Variants in SH2B2 observed in about 807,000 individuals in gnomAD.
SH2B2 encodes SH2B adaptor protein 2.
A neutral mutation model predicts 35.7 loss-of-function variants in SH2B2; 37 were observed. The observed-to-expected ratio is 1.04, with a 90% CI of 0.80 to 1.36. The LOEUF is 1.36. Among genes scored for constraint, SH2B2 ranks in the 40% most tolerant of loss-of-function variants. The pLI is 0.00. For missense variants in SH2B2, 852 were observed against 817.7 expected, an observed-to-expected ratio of 1.04 and a Z score of -0.51; for synonymous variants, 383 against 376.4, an observed-to-expected ratio of 1.02 and a Z score of -0.20.
rs1794091027 is a variant in SH2B2 at position 102,321,607 on chromosome 7, G to A, written c.1876G>A (p.Glu626Lys). The A allele has an allele frequency of 1.7e-6, 2 of 1,161,428 alleles. No individual in the cohort carries two copies. Among genetic ancestry groups the A allele is most frequent in the African/African-American group, 3.3e-5 (2 of 61,532 alleles). 71.9% of individuals were successfully genotyped at this position (1,161,428 alleles called of 1,614,324 possible). A position where few individuals can be genotyped will look rare whatever the true frequency, so the allele number is the denominator to read the frequency against. ...EAAPGRARAV[E>K]NQYSFY ...CGCGCCCGGCCGCGCGCGCGCCGTG[G>A]AGAACCAGTACTCCTTCTACTAGCC... The change falls in exon 9 of 9, where the codon GAG (glutamate) becomes AAG (lysine). Residue 626 changes from glutamate to lysine, a missense_variant. Glu to Lys is a moderately conservative substitution (Grantham distance 56). This residue lies in a region of SH2B2 where 556 missense variants were observed against 514.5 expected (regional missense o/e 1.08). Transcript: ENST00000444095.
At chr7:102,307,753 A>G (rs1793458798) in intron 3 of SH2B2, among the ~76,000 whole-genome samples, 1 of 149,666 alleles carries the variant, frequency 6.7e-6, no homozygotes, top group South Asian at 2.1e-4. Context: ...GGAGCCCAAC[A>G]ACTACATTTT....
intron 2 of SH2B2, among the ~76,000 whole-genome samples, chr7:102,305,652 T>C (rs1356973426): frequency 6.6e-6 from 1 of 152,188 alleles, no homozygotes; most frequent in Non-Finnish European, 1.5e-5. Flanking sequence ...TCTGGTGAGA[T>C]GTTTGTTTCA....
chr7:102,303,733 C>T (rs957276756), intron 2 of SH2B2, among the ~76,000 whole-genome samples: 6 of 152,222 alleles, frequency 3.9e-5, no homozygotes, highest in African/African-American at 1.4e-4. Context: ...GGGGCTTACC[C>T]GGGGTCACCC....
intron 4 of SH2B2, 34 bp from the exon 5 acceptor site, chr7:102,314,302 G>T: frequency 5.0e-6 from 2 of 398,614 alleles, no homozygotes; most frequent in Non-Finnish European, 8.8e-6. Context: ...CAAGTCCCAC[G>T]GCAGGACATG....
intron 7 of SH2B2, 104 bp downstream of exon 7, chr7:102,317,499 G>C (rs1337164762): frequency 2.7e-6 from 3 of 1,116,506 alleles, no homozygotes; most frequent in African/African-American, 3.2e-5. Flanking sequence ...AGCTGCAGGC[G>C]AACAGGTGTG....
At chr7:102,314,098 G>A (rs1793726398) in intron 4 of SH2B2, among the ~76,000 whole-genome samples, 1 of 152,148 alleles carries the variant, frequency 6.6e-6, no homozygotes. Context: ...TGCTGCTGAG[G>A]ACTTTGTTTT....
At chr7:102,318,169 C>G (rs1387482560) in intron 7 of SH2B2, among the ~76,000 whole-genome samples, 1 of 152,088 alleles carries the variant, frequency 6.6e-6, no homozygotes, top group African/African-American at 2.4e-5. Flanking sequence ...GAGACAGTCT[C>G]GCTCTATCCT....
At chr7:102,300,381 C>T in intron 1 of SH2B2, 141 bp from the exon 2 acceptor site, 1 of 1,094,670 alleles carries the variant, frequency 9.1e-7, no homozygotes, top group East Asian at 2.9e-5. Context: ...TGGCTGCCTG[C>T]TGTAGTCCCA....
At chr7:102,318,587 G>A (rs781995571) in intron 7 of SH2B2, among the ~76,000 whole-genome samples, 2 of 152,194 alleles carry the variant, frequency 1.3e-5, no homozygotes, top group African/African-American at 2.4e-5. Flanking sequence ...CTCCTGCCAG[G>A]ACGGATTTCC....
intron 2 of SH2B2, among the ~76,000 whole-genome samples, chr7:102,301,567 T>TCC (rs1554553970): frequency 3.9e-4 from 56 of 143,878 alleles, no homozygotes; most frequent in Non-Finnish European, 5.5e-4. Context: ...TCCGTGTGTG[T>TCC]GTGTGTGTGT....
intron 4 of SH2B2, among the ~76,000 whole-genome samples, chr7:102,312,826 T>C (rs1793675372): frequency 6.6e-6 from 1 of 152,144 alleles, no homozygotes; most frequent in Non-Finnish European, 1.5e-5. Flanking sequence ...CTAATTTTCT[T>C]TTATTAAGAT....
At position 102,315,859 on chromosome 7, in the gene SH2B2, C is replaced by T. The variant is rs373324505; in HGVS notation, c.1186+1177C>T. On this transcript the variant is annotated intron_variant, in intron 6 of 8. Coordinates refer to ENST00000444095, the MANE Select transcript of SH2B2 (RefSeq NM_001359228.2). ...GTTGGAATCAGGGATTGGGAACAGG[C>T]GACTGGATTTGTTCCTAAGTTTGCT... 3.2e-3 allele frequency among the ~76,000 whole-genome samples: 479 copies of T among 151,474 alleles called. 2 individuals carry two copies. The highest frequency in any genetic ancestry group is 0.011 in the African/African-American group (464 of 41,292).
At chr7:102,291,533 G>T (rs1458742831) in intron 1 of SH2B2, among the ~76,000 whole-genome samples, 1 of 152,176 alleles carries the variant, frequency 6.6e-6, no homozygotes, top group East Asian at 1.9e-4. Flanking sequence ...CAGCCAGAAG[G>T]CCCCCACCCA....
intron 2 of SH2B2, among the ~76,000 whole-genome samples, chr7:102,305,827 G>C (rs1435198204): frequency 6.6e-6 from 1 of 150,924 alleles, no homozygotes. Context: ...AGGAGGCTCA[G>C]ATGTCAATTC....
Position 102,301,076 on chromosome 7 carries a change from A to G in SH2B2, c.526A>G (p.Thr176Ala). Residue 176 changes from threonine to alanine, a missense_variant, in exon 2 of 9, where the codon ACG becomes GCG. Thr to Ala is a moderately conservative substitution (Grantham distance 58, BLOSUM62 0). Around this residue, in one of 3 missense-constraint regions of SH2B2, gnomAD observed 294 missense variants for 286.6 expected, o/e 1.03. Transcript: ENST00000444095. ...PRTAEPRDKW[T>A]RRLRLSRTLA... ...CACCGCCGAGCCCCGCGACAAGTGG[A>G]CGCGGCGCCTGAGGCTGTCGCGGAC... is the stretch of plus-strand genomic sequence containing the variant. 1 of 1,395,830 alleles carries G rather than the reference A, an allele frequency of 7.2e-7. No individual in the cohort carries two copies. Among genetic ancestry groups the G allele is most frequent in the African/African-American group, 1.5e-5 (1 of 65,624 alleles). 86.5% of individuals were successfully genotyped at this position (1,395,830 alleles called of 1,614,324 possible).
At chr7:102,316,803 G>C (rs554164501) in intron 6 of SH2B2, among the ~76,000 whole-genome samples, 55 of 152,126 alleles carry the variant, frequency 3.6e-4, no homozygotes, top group Non-Finnish European at 6.9e-4. Flanking sequence ...TGGATCATCT[G>C]AGGTCAGGAG....
chr7:102,290,250 T>A (rs1554551561), intron 1 of SH2B2, among the ~76,000 whole-genome samples: 1 of 151,500 alleles, frequency 6.6e-6, no homozygotes, highest in Non-Finnish European at 1.5e-5. Flanking sequence ...CCTTTTTTTT[T>A]TTTATTTTTT....
chr7:102,318,696 C>A (rs1793949686), intron 7 of SH2B2, among the ~76,000 whole-genome samples: 1 of 152,056 alleles, frequency 6.6e-6, no homozygotes. Flanking sequence ...CTGCCCTAAC[C>A]CCTAGTGGCT....
chr7:102,316,848 A>G (rs558958605), intron 6 of SH2B2, among the ~76,000 whole-genome samples: 130 of 151,762 alleles, frequency 8.6e-4, no homozygotes, highest in African/African-American at 2.7e-3. Flanking sequence ...GTGAAACCCC[A>G]TCTCTACTAA....
Sources: allele counts gnomAD v4.1 joint callset (sites outside exome capture counted in the v4.1 genomes callset), GRCh38; gene constraint gnomAD v4.1.1; regional missense constraint gnomAD v4.1.1; transcripts MANE v1.5; gene names NCBI Gene and HGNC (gene_info 2026-07-23, HGNC 2026-07-21).